The following R3HCC1L variants were observed in gnomAD, a reference collection of about 807,000 sequenced individuals.
R3HCC1L encodes coiled-coil domain-containing protein R3HCC1L.
A neutral mutation model predicts 59.9 loss-of-function variants in R3HCC1L; 51 were observed. The observed-to-expected ratio is 0.85, with a 90% confidence interval of 0.68 to 1.07. The LOEUF (loss-of-function observed/expected upper bound fraction) is 1.07, where lower values mean the gene tolerates loss of function less well. Among genes scored for constraint, R3HCC1L ranks in the 50% least tolerant of loss-of-function variants. The pLI is 0.00. For synonymous variants in R3HCC1L, 322 were observed against 315.2 expected (o/e 1.02, Z -0.23); for missense variants, 965 against 933.0 (o/e 1.03, Z -0.45).
rs1172496054 is a variant in R3HCC1L at position 98,235,497 on chromosome 10, A to G, written c.2105A>G (p.Lys702Arg). Residue 702 changes from lysine (K) to arginine (R), a missense_variant, in exon 8 of 10, where the codon AAG becomes AGG. Transcript: ENST00000298999. The stretch of plus-strand genomic sequence containing the variant: ...TTGTCACAGGCCACAAGAGCAGCCA[A>G]GGCCAAAGCTAGAGCTTATGCTGGT... Reference protein sequence around the residue: ...RPLSQATRAAKAKARAYAEFL... With the variant: ...RPLSQATRAARAKARAYAEFL... 1 of 1,613,410 alleles carries G rather than the reference A, an allele frequency of 6.2e-7. No individual in the cohort carries two copies. The highest frequency in any genetic ancestry group is 8.5e-7 in the Non-Finnish European group (1 of 1,179,550).
In R3HCC1L at chr10:98,235,408, T is replaced by C. The variant is rs1182265680; in HGVS notation, c.2033-17T>C. On this transcript the variant is annotated splice_polypyrimidine_tract_variant and intron_variant, in intron 7 of 9. Coordinates refer to ENST00000298999, the MANE Select transcript of R3HCC1L (RefSeq NM_001351015.2). ...CTCTACTTCATGTCTTCTGCTTCCT[T>C]TTATTCCTCTTTGCAGCTCGTGATG... The C allele has an allele frequency of 1.9e-6, 3 of 1,606,530 alleles. No individual in the cohort carries two copies. The highest frequency in any genetic ancestry group is 2.7e-5 in the African/African-American group (2 of 74,710).
intron 4 of R3HCC1L, among the ~76,000 whole-genome samples, chr10:98,190,438 G>T (rs2134819144): frequency 1.3e-5 from 2 of 151,954 alleles, no homozygotes; most frequent in African/African-American, 4.8e-5. Context: ...CAAATTATTT[G>T]AAACAGAAAA....
intron 4 of R3HCC1L, among the ~76,000 whole-genome samples, chr10:98,187,254 T>C (rs1219285849): frequency 6.6e-6 from 1 of 152,094 alleles, no homozygotes; most frequent in East Asian, 1.9e-4. Flanking sequence ...TGAGAATCCC[T>C]AACCTGAAAA....
chr10:98,203,950 C>T lies in R3HCC1L; in HGVS notation c.-14-4151C>T, dbSNP rs1317446489. Reference sequence around the variant, plus strand: ...ATGAAGGAATCTGAATTTTTATCCCCTTTAGAAAGTGTGATTTTTGAACAG... The same window carrying T: ...ATGAAGGAATCTGAATTTTTATCCCTTTTAGAAAGTGTGATTTTTGAACAG... On this transcript the variant is annotated intron_variant, in intron 4 of 9. Transcript: ENST00000298999. Among the ~76,000 whole-genome samples the T allele has an allele frequency of 4.6e-5, 7 of 152,134 alleles. No homozygotes were observed. The East Asian group carries it at 1.2e-3, about 25-fold the overall frequency.
intron 4 of R3HCC1L, among the ~76,000 whole-genome samples, chr10:98,181,293 T>G (rs1849596715): frequency 6.6e-6 from 1 of 152,212 alleles, no homozygotes; most frequent in Non-Finnish European, 1.5e-5. Flanking sequence ...CTTATGAAGC[T>G]GGATATGAAA....
chr10:98,142,583 A>C (rs564101728), intron 1 of R3HCC1L, among the ~76,000 whole-genome samples: 1 of 151,602 alleles, frequency 6.6e-6, no homozygotes, highest in South Asian at 2.1e-4. Flanking sequence ...GGTTGCAATG[A>C]GTGGAGATTG....
At chr10:98,172,196 C>T (rs1008911142) in intron 4 of R3HCC1L, among the ~76,000 whole-genome samples, 2 of 152,110 alleles carry the variant, frequency 1.3e-5, no homozygotes, top group Non-Finnish European at 2.9e-5. Context: ...GGGATATACA[C>T]GTATTCACAG....
At position 98,236,140 on chromosome 10, in the gene R3HCC1L, C is replaced by G; in HGVS notation, c.2245C>G (p.Leu749Val). The G allele has an allele frequency of 1.2e-6, 2 of 1,613,842 alleles. No homozygotes were observed. The highest frequency in any genetic ancestry group is 8.5e-7 in the Non-Finnish European group (1 of 1,179,860). ...GAGCAAAACCGAACGAGAAGCAGAG[C>G]TCAAGAAACTGCAAGAAGCCAGAGG... ...KQSKTEREAELKKLQEARERK... is the reference protein window; with the variant it reads ...KQSKTEREAEVKKLQEARERK... The change falls in exon 9 of 10, where the codon CTC becomes GTC. Residue 749 changes from leucine to valine, a missense_variant. Leu to Val is a conservative substitution (Grantham distance 32). Coordinates refer to ENST00000298999, the MANE Select transcript of R3HCC1L (RefSeq NM_001351015.2).
chr10:98,186,638 A>G (rs146262048), intron 4 of R3HCC1L: 118 of 454,810 alleles, frequency 2.6e-4, no homozygotes, highest in African/African-American at 2.1e-3. Flanking sequence ...AATGTTTTTC[A>G]TGGCAGTGGA....
intron 5 of R3HCC1L, among the ~76,000 whole-genome samples, chr10:98,230,295 C>G (rs993911247): frequency 5.9e-5 from 9 of 152,282 alleles, no homozygotes; most frequent in Non-Finnish European, 1.0e-4. Context: ...CAACTTCTTC[C>G]TGGTTTAGTC....
chr10:98,172,768 C>T (rs1310369940), intron 4 of R3HCC1L, among the ~76,000 whole-genome samples: 1 of 152,202 alleles, frequency 6.6e-6, no homozygotes, highest in East Asian at 1.9e-4. Flanking sequence ...CAGTCTCCTT[C>T]CCGTCACTGC....
chr10:98,168,918 G>T (rs1052114185), intron 4 of R3HCC1L, among the ~76,000 whole-genome samples: 1 of 152,186 alleles, frequency 6.6e-6, no homozygotes, highest in African/African-American at 2.4e-5. Flanking sequence ...ATGCTTGGAG[G>T]AGTTGGTAGG....
At chr10:98,236,392 C>G (rs1313722897) in intron 9 of R3HCC1L, among the ~76,000 whole-genome samples, 2 of 152,134 alleles carry the variant, frequency 1.3e-5, no homozygotes, top group Admixed American at 6.5e-5. Flanking sequence ...CTGTTGTTTT[C>G]CAAGAGATAG....
chr10:98,176,617 G>A (rs999335168), intron 4 of R3HCC1L, among the ~76,000 whole-genome samples: 1 of 152,066 alleles, frequency 6.6e-6, no homozygotes, highest in Non-Finnish European at 1.5e-5. Context: ...GATTCTATGG[G>A]ATTTCTATGC....
chr10:98,205,504 A>C (rs1852534601), intron 4 of R3HCC1L, among the ~76,000 whole-genome samples: 1 of 152,336 alleles, frequency 6.6e-6, no homozygotes, highest in South Asian at 2.1e-4. Flanking sequence ...ATTCTTAAAA[A>C]ATGATTACTT....
chr10:98,145,913 C>T (rs1438628470), intron 1 of R3HCC1L, among the ~76,000 whole-genome samples: 1 of 151,654 alleles, frequency 6.6e-6, no homozygotes, highest in African/African-American at 2.4e-5. Context: ...CACTCCACTG[C>T]ACTCCAGCCT....
At chr10:98,159,647 T>G (rs940165641) in intron 2 of R3HCC1L, among the ~76,000 whole-genome samples, 22 of 152,212 alleles carry the variant, frequency 1.4e-4, no homozygotes, top group African/African-American at 5.3e-4. Context: ...CATTATTCCT[T>G]CTACACTTAT....
chr10:98,190,156 C>A (rs114199252), intron 4 of R3HCC1L, among the ~76,000 whole-genome samples: 1 of 152,046 alleles, frequency 6.6e-6, no homozygotes, highest in Admixed American at 6.6e-5. Context: ...GGAATAATAA[C>A]GAGGAAAATC....
At chr10:98,214,167 T>G (rs1278872384) in intron 5 of R3HCC1L, among the ~76,000 whole-genome samples, 1 of 152,178 alleles carries the variant, frequency 6.6e-6, no homozygotes, top group Admixed American at 6.6e-5. Flanking sequence ...CAGCAGCATT[T>G]TAATTTCTGA....
Sources: gnomAD v4.1 joint callset for allele counts (sites outside exome capture counted in the v4.1 genomes callset) on GRCh38, gnomAD v4.1.1 for gene constraint, MANE v1.5 for transcripts, NCBI Gene and HGNC (gene_info 2026-07-23, HGNC 2026-07-21) for gene names.